GABRB2: variants seen among roughly 807,000 people sequenced by gnomAD.
The protein encoded by GABRB2 is gamma-aminobutyric acid receptor subunit beta-2.
GABRB2 carries 16 observed loss-of-function variants against 54.7 expected under a neutral mutation model. The ratio of observed to expected loss-of-function variants is 0.29; its 90% CI spans 0.20 to 0.44. The LOEUF is 0.44. Ranked by LOEUF, GABRB2 falls within the 20% of genes least tolerant of loss-of-function variation. The pLI is 1.00. For missense variants in GABRB2, 355 were observed against 644.0 expected, an observed-to-expected ratio of 0.55 and a Z score of 4.86; for synonymous variants, 244 against 233.8, an observed-to-expected ratio of 1.04 and a Z score of -0.40.
chr5:161,475,584 T>A (rs181099735), intron 3 of GABRB2, among the ~76,000 whole-genome samples: 2 of 151,876 alleles, frequency 1.3e-5, no homozygotes, highest in East Asian at 3.9e-4. Flanking sequence ...CAAACTGAGC[T>A]CAATAGCACA....
At chr5:161,345,609 C>T (rs914359078) in intron 5 of GABRB2, among the ~76,000 whole-genome samples, 1 of 151,972 alleles carries the variant, frequency 6.6e-6, no homozygotes, top group African/African-American at 2.4e-5. Flanking sequence ...ATTTCTGCAC[C>T]CTTTAAAGAC....
intron 5 of GABRB2, among the ~76,000 whole-genome samples, chr5:161,373,555 C>A (rs1755194262): frequency 6.6e-6 from 1 of 152,162 alleles, no homozygotes; most frequent in South Asian, 2.1e-4. Flanking sequence ...TTTCACTTTG[C>A]AACATTTTTC....
chr5:161,405,093 G>A (rs1439535044), intron 5 of GABRB2, among the ~76,000 whole-genome samples: 2 of 151,952 alleles, frequency 1.3e-5, no homozygotes, highest in South Asian at 2.1e-4. Flanking sequence ...GGTACACAGA[G>A]TCTACTCTCT....
chr5:161,339,478 G>A (rs1429477123), intron 5 of GABRB2, among the ~76,000 whole-genome samples: 1 of 151,970 alleles, frequency 6.6e-6, no homozygotes, highest in East Asian at 1.9e-4. Flanking sequence ...ATTGGCTTGG[G>A]GATCTGATTT....
chr5:161,448,087 A>G (rs1757686832), intron 4 of GABRB2, among the ~76,000 whole-genome samples: 1 of 152,158 alleles, frequency 6.6e-6, no homozygotes, highest in Non-Finnish European at 1.5e-5. Context: ...TAAAATGTAC[A>G]GGTTATTTGG....
At chr5:161,395,302 C>A (rs1755960898) in intron 5 of GABRB2, among the ~76,000 whole-genome samples, 1 of 152,136 alleles carries the variant, frequency 6.6e-6, no homozygotes, top group Admixed American at 6.6e-5. Flanking sequence ...CTAGTGATGA[C>A]CTGAGTTTGA....
intron 3 of GABRB2, among the ~76,000 whole-genome samples, chr5:161,499,661 T>C (rs1274847989): frequency 2.6e-5 from 4 of 152,160 alleles, no homozygotes; most frequent in African/African-American, 4.8e-5. Context: ...TCTTCTAATA[T>C]AAGAACTATC....
At chr5:161,520,825 T>C (rs768388785) in intron 3 of GABRB2, among the ~76,000 whole-genome samples, 28 of 151,964 alleles carry the variant, frequency 1.8e-4, no homozygotes, top group South Asian at 4.1e-4. Context: ...TTTACCTTAG[T>C]GAAATGAATG....
At chr5:161,348,607 T>C (rs929741159) in intron 5 of GABRB2, among the ~76,000 whole-genome samples, 1 of 152,076 alleles carries the variant, frequency 6.6e-6, no homozygotes, top group Non-Finnish European at 1.5e-5. Context: ...TGGACCACAC[T>C]TTGAGAATCA....
At chr5:161,327,077 A>ATC in intron 8 of GABRB2, 1 of 360,274 alleles carries the variant, frequency 2.8e-6, no homozygotes, top group Non-Finnish European at 3.7e-6. Flanking sequence ...CACACACACA[A>ATC]ACTAGAAGAA....
intron 3 of GABRB2, among the ~76,000 whole-genome samples, chr5:161,494,538 C>CATGT (rs1554104312): frequency 0.13 from 19,206 of 146,170 alleles, 1,463 homozygotes; most frequent in Non-Finnish European, 0.17. Context: ...GTTAGGTATG[C>CATGT]GTGTGTGTGT....
intron 9 of GABRB2, among the ~76,000 whole-genome samples, chr5:161,296,559 T>G (rs1757386377): frequency 1.3e-5 from 2 of 152,208 alleles, no homozygotes; most frequent in African/African-American, 4.8e-5. Context: ...TATTTTTGAG[T>G]AATTTATTTA....
chr5:161,485,660 A>G (rs1758898967), intron 3 of GABRB2, among the ~76,000 whole-genome samples: 1 of 151,910 alleles, frequency 6.6e-6, no homozygotes, highest in South Asian at 2.1e-4. Context: ...TGTCATTCAG[A>G]TGGTACTGAC....
chr5:161,303,986 C>G (rs903416750), intron 9 of GABRB2, among the ~76,000 whole-genome samples: 1 of 152,128 alleles, frequency 6.6e-6, no homozygotes, highest in African/African-American at 2.4e-5. Context: ...GCTTAAGTAT[C>G]CCTAAAGCTG....
At chr5:161,544,518 T>C (rs926838077) in intron 3 of GABRB2, among the ~76,000 whole-genome samples, 1 of 152,200 alleles carries the variant, frequency 6.6e-6, no homozygotes, top group African/African-American at 2.4e-5. Context: ...ACACAGGCTT[T>C]TTCCTCTTAA....
chr5:161,294,110 T>G lies in GABRB2; in HGVS notation c.1510A>C (p.Ile504Leu). 6.2e-7 allele frequency: 1 copy of G among 1,613,484 alleles called. No individual in the cohort carries two copies. The highest frequency in any genetic ancestry group is 8.5e-7 in the Non-Finnish European group (1 of 1,179,500). ...TTCACATAATAAAGCCAATAGACGA[T>G]GTTGAAGAAGGAAAAAACCACTGGG... Reference protein sequence around the residue: ...FFPVVFSFFNIVYWLYYVN With the variant: ...FFPVVFSFFNLVYWLYYVN The change falls in exon 10 of 10, where the codon ATC becomes CTC. Residue 504 changes from isoleucine (I) to leucine (L), a missense_variant. Ile to Leu is a conservative substitution (Grantham distance 5). This residue lies in a region of GABRB2 where 201 missense variants were observed against 228.1 expected (regional missense o/e 0.88). Coordinates refer to ENST00000393959, the MANE Select transcript of GABRB2 (RefSeq NM_001371727.1).
At chr5:161,453,898 T>C (rs565844801) in intron 4 of GABRB2, among the ~76,000 whole-genome samples, 5 of 151,810 alleles carry the variant, frequency 3.3e-5, no homozygotes, top group African/African-American at 1.2e-4. Context: ...ATTAGCCAGG[T>C]GTGGTGGTGA....
intron 3 of GABRB2, among the ~76,000 whole-genome samples, chr5:161,474,982 T>C (rs557049807): frequency 1.3e-5 from 2 of 152,030 alleles, no homozygotes; most frequent in East Asian, 1.9e-4. Flanking sequence ...AAATCTCATG[T>C]TGACTTCTCA....
At chr5:161,502,347 A>G (rs1759470567) in intron 3 of GABRB2, among the ~76,000 whole-genome samples, 2 of 152,168 alleles carry the variant, frequency 1.3e-5, no homozygotes, top group African/African-American at 4.8e-5. Flanking sequence ...AAAGAAATGC[A>G]TTATTTATTA....
Sources: gnomAD v4.1 joint callset for allele counts (sites outside exome capture counted in the v4.1 genomes callset) on GRCh38, gnomAD v4.1.1 for gene constraint, gnomAD v4.1.1 regional missense constraint, MANE v1.5 for transcripts, NCBI Gene and HGNC (gene_info 2026-07-23, HGNC 2026-07-21) for gene names.